The following EFCAB6 variants were observed in gnomAD, a reference collection of about 807,000 sequenced individuals.
EFCAB6 encodes the protein EF-hand calcium binding domain 6.
EFCAB6 carries 156 observed loss-of-function variants against 169.8 expected under a neutral mutation model. The observed-to-expected ratio is 0.92, with a 90% CI of 0.81 to 1.05. The LOEUF (loss-of-function observed/expected upper bound fraction) is 1.05. Ranked by LOEUF, EFCAB6 falls within the 50% of genes least tolerant of loss-of-function variation. EFCAB6 has a pLI of 0.00. For missense variants in EFCAB6, 1,800 were observed against 1,829.1 expected (o/e 0.98, Z 0.29); for synonymous variants, 698 against 676.4 (o/e 1.03, Z -0.50).
In EFCAB6 at chr22:43,572,762, G is replaced by A. The variant is rs373314130; in HGVS notation, c.3420+3535C>T. ...CTGCTGCTGGAACCTGACATGTGAC[G>A]GAGTCACTCACTCCTGCTCTGTCCC... On this transcript the variant is annotated intron_variant, in intron 26 of 31. Coordinates refer to ENST00000262726, the MANE Select transcript of EFCAB6 (RefSeq NM_022785.4). The surrounding 1 kb of genome is among the most constrained non-coding windows in gnomAD (Gnocchi z 4.0). 9.2e-5 allele frequency among the ~76,000 whole-genome samples: 14 copies of A among 152,328 alleles called. No individual in the cohort carries two copies. The highest frequency in any genetic ancestry group is 3.4e-3 in the Middle Eastern group (1 of 294).
intron 17 of EFCAB6, among the ~76,000 whole-genome samples, chr22:43,651,208 A>G (rs2056450938): frequency 6.6e-6 from 1 of 152,216 alleles, no homozygotes; most frequent in African/African-American, 2.4e-5. Context: ...GCAGTTTCAT[A>G]GGCTGGGCCC....
intron 10 of EFCAB6, among the ~76,000 whole-genome samples, chr22:43,690,969 A>G (rs1156994659): frequency 1.3e-5 from 2 of 151,768 alleles, no homozygotes; most frequent in Non-Finnish European, 2.9e-5. Flanking sequence ...TTATTTAAAT[A>G]TTATTATTAT....
intron 7 of EFCAB6, among the ~76,000 whole-genome samples, chr22:43,732,328 G>C (rs1007745716): frequency 2.6e-5 from 4 of 152,086 alleles, no homozygotes; most frequent in Non-Finnish European, 5.9e-5. Context: ...GAGGCCCACA[G>C]ATGGCATATG....
chr22:43,700,980 T>G (rs2058745718), intron 10 of EFCAB6, among the ~76,000 whole-genome samples: 1 of 152,156 alleles, frequency 6.6e-6, no homozygotes, highest in Non-Finnish European at 1.5e-5. Context: ...ATACAAAACA[T>G]ATGAAATTTA....
chr22:43,595,681 A>G (rs573302253), intron 23 of EFCAB6, among the ~76,000 whole-genome samples: 2 of 152,286 alleles, frequency 1.3e-5, no homozygotes, highest in African/African-American at 2.4e-5. Context: ...GAGAAGAACT[A>G]ATACCAACTC....
At position 43,651,401 on chromosome 22, in the gene EFCAB6, G is replaced by C. The variant is rs145626541; in HGVS notation, c.1983+15703C>G. ...GCACAGAAGTCAAGAATTGAGGTTTGGGAACCTCTGCCTAGATTTCAGAAG... is the reference window on the plus strand; with the variant it reads ...GCACAGAAGTCAAGAATTGAGGTTTCGGAACCTCTGCCTAGATTTCAGAAG... On this transcript the variant is annotated intron_variant, in intron 17 of 31. Transcript: ENST00000262726. Among the ~76,000 whole-genome samples, 591 of 152,360 alleles carry C rather than the reference G, an allele frequency of 3.9e-3. 2 individuals carry two copies. The highest frequency in any genetic ancestry group is 0.014 in the Middle Eastern group (4 of 294).
intron 10 of EFCAB6, among the ~76,000 whole-genome samples, chr22:43,698,970 G>T (rs1451456527): frequency 6.6e-6 from 1 of 152,156 alleles, no homozygotes; most frequent in Non-Finnish European, 1.5e-5. Flanking sequence ...TTAGATTCTG[G>T]GTAGAGGCAT....
chr22:43,678,347 G>GTC (rs2057864533), intron 12 of EFCAB6, among the ~76,000 whole-genome samples, 184 bp from the exon 13 acceptor site: 1 of 151,640 alleles, frequency 6.6e-6, no homozygotes, highest in Non-Finnish European at 1.5e-5. Flanking sequence ...GTGTGTGTGT[G>GTC]TGTGTGTGTG....
intron 22 of EFCAB6, among the ~76,000 whole-genome samples, chr22:43,604,624 G>A (rs1446703769): frequency 2.6e-5 from 4 of 152,026 alleles, no homozygotes; most frequent in Non-Finnish European, 4.4e-5. Context: ...GCCAGGCACC[G>A]AGTAGGTTCT....
At position 43,731,748 on chromosome 22, in the gene EFCAB6, A is replaced by G. The variant is rs1035289376; in HGVS notation, c.708T>C (p.Asn236=). Residue 236 remains asparagine, a synonymous_variant, in exon 8 of 32, where the codon AAT becomes AAC. Transcript: ENST00000262726. ...TAVDYNVFLK[N]LSINNDLNLR... is the part of the protein sequence containing the mutation. ...GGTTCAAGTCGTTATTTATGCTGAG[A>G]TTCTTCAAAAACACGTTGTAATCTA... The G allele has an allele frequency of 6.2e-7, 1 of 1,604,468 alleles. No homozygotes were observed. Among genetic ancestry groups the G allele is most frequent in the Non-Finnish European group, 8.5e-7 (1 of 1,176,988 alleles).
intron 17 of EFCAB6, among the ~76,000 whole-genome samples, chr22:43,652,439 T>G (rs1295773749): frequency 6.6e-6 from 1 of 152,188 alleles, no homozygotes; most frequent in Non-Finnish European, 1.5e-5. Flanking sequence ...TTTTTCAGTC[T>G]CAGGTATGTC....
intron 5 of EFCAB6, among the ~76,000 whole-genome samples, chr22:43,756,596 A>C (rs891492540): frequency 6.6e-6 from 1 of 152,174 alleles, no homozygotes; most frequent in African/African-American, 2.4e-5. Flanking sequence ...CATGCCTCCT[A>C]CCTGCCAGGT....
intron 11 of EFCAB6, among the ~76,000 whole-genome samples, chr22:43,685,887 C>T (rs1236717846): frequency 6.6e-6 from 1 of 151,962 alleles, no homozygotes; most frequent in Non-Finnish European, 1.5e-5. Flanking sequence ...TCATTTTTGC[C>T]TATTTTTTGT....
chr22:43,604,994 T>C (rs1476578086), intron 22 of EFCAB6, among the ~76,000 whole-genome samples: 1 of 152,170 alleles, frequency 6.6e-6, no homozygotes, highest in East Asian at 1.9e-4. Flanking sequence ...GCAAAGTTTG[T>C]TTTAGATTCA....
intron 17 of EFCAB6, among the ~76,000 whole-genome samples, chr22:43,636,980 G>T (rs1569294216): frequency 6.6e-6 from 1 of 152,176 alleles, no homozygotes; most frequent in Non-Finnish European, 1.5e-5. Flanking sequence ...GGACAAAGAA[G>T]AGAGGAGATG....
intron 27 of EFCAB6, among the ~76,000 whole-genome samples, chr22:43,546,417 A>C (rs1471977909): frequency 6.6e-6 from 1 of 152,182 alleles, no homozygotes; most frequent in Non-Finnish European, 1.5e-5. Context: ...TTTCAGATGC[A>C]GTAGACACGT....
intron 6 of EFCAB6, among the ~76,000 whole-genome samples, chr22:43,754,769 A>G (rs2060894164): frequency 6.6e-6 from 1 of 152,178 alleles, no homozygotes; most frequent in Admixed American, 6.5e-5. Context: ...ATTGTCATAA[A>G]CAATGGACTT....
At position 43,687,333 on chromosome 22, in the gene EFCAB6, T is replaced by A. The variant is rs2058235508; in HGVS notation, c.1142+138A>T. 4 of 560,356 alleles carry A rather than the reference T, an allele frequency of 7.1e-6. No individual in the cohort carries two copies. In the South Asian group the frequency reaches 1.2e-4, roughly 17 times the overall value. The allele number at this position is 560,356 out of a possible 1,614,324, so 34.7% of individuals were successfully genotyped here. A position where few individuals can be genotyped will look rare whatever the true frequency, so the allele number is the denominator to read the frequency against. On this transcript the variant is annotated intron_variant, in intron 11 of 31. Coordinates refer to ENST00000262726, the MANE Select transcript of EFCAB6 (RefSeq NM_022785.4). ...AAAATTTGTAAGCAGTAAATCACTA[T>A]ATAAAAGTTGGCAATTATTCAATGG...
chr22:43,623,180 T>C (rs1569265943), intron 20 of EFCAB6, among the ~76,000 whole-genome samples: 1 of 152,230 alleles, frequency 6.6e-6, no homozygotes, highest in Non-Finnish European at 1.5e-5. Context: ...TTCATTCAGT[T>C]AGTCATCCAA....
Sources: gnomAD v4.1 joint callset for allele counts (sites outside exome capture counted in the v4.1 genomes callset) on GRCh38, gnomAD v4.1.1 for gene constraint, Gnocchi (gnomAD v3.1) non-coding constraint, MANE v1.5 for transcripts, NCBI Gene and HGNC (gene_info 2026-07-23, HGNC 2026-07-21) for gene names.